The following PPP4R2 variants were observed in gnomAD, a reference collection of about 807,000 sequenced individuals.
PPP4R2 encodes protein phosphatase 4 regulatory subunit 2.
A neutral mutation model predicts 47.2 loss-of-function variants in PPP4R2; 13 were observed. That is an observed-to-expected ratio of 0.28 (90% CI 0.18 to 0.44). PPP4R2 has a LOEUF of 0.44. Ranked by LOEUF, PPP4R2 falls within the 20% of genes least tolerant of loss-of-function variation. The pLI is 1.00. For missense variants in PPP4R2, 421 were observed against 491.2 expected, an observed-to-expected ratio of 0.86 and a Z score of 1.35; for synonymous variants, 151 against 163.3, an observed-to-expected ratio of 0.92 and a Z score of 0.57.
chr3:73,033,658 T>C (rs1260919219), intron 2 of PPP4R2, among the ~76,000 whole-genome samples: 2 of 152,200 alleles, frequency 1.3e-5, no homozygotes, highest in Non-Finnish European at 2.9e-5. Context: ...TTGTCCCAAA[T>C]ATAAATTCTG....
rs778400137 is a variant in PPP4R2, at chr3:73,015,263, TC to T, written c.116+17106del. Among the ~76,000 whole-genome samples the T allele has an allele frequency of 2.2e-4, 34 of 152,112 alleles. 1 individual carries two copies. The highest frequency in any genetic ancestry group is 4.0e-4 in the Non-Finnish European group (27 of 68,022). ...GACTTGATCTCAGCTCACTGCCACCTCTGCCTCCCTGGTTCAAGCAGTTCTC... is the reference window on the plus strand; with the variant it reads ...GACTTGATCTCAGCTCACTGCCACCTTGCCTCCCTGGTTCAAGCAGTTCTC... On this transcript the variant is annotated intron_variant, in intron 2 of 8. Coordinates refer to ENST00000356692, the MANE Select transcript of PPP4R2 (RefSeq NM_174907.4).
At chr3:73,059,388 A>G (rs973552423) in intron 4 of PPP4R2, among the ~76,000 whole-genome samples, 5 of 152,216 alleles carry the variant, frequency 3.3e-5, no homozygotes, top group Non-Finnish European at 7.3e-5. Flanking sequence ...TTCATAGTGT[A>G]TATCAACTTA....
At position 73,010,261 on chromosome 3, in the gene PPP4R2, C is replaced by T. The variant is rs143653385; in HGVS notation, c.116+12103C>T. Reference sequence around the variant, plus strand: ...TTTTTGAGACAAGGTCTTGCTCTGTCATCCAGGCTGGAGTACAGTGGTGCC... The same window carrying T: ...TTTTTGAGACAAGGTCTTGCTCTGTTATCCAGGCTGGAGTACAGTGGTGCC... On this transcript the variant is annotated intron_variant, in intron 2 of 8. Coordinates refer to ENST00000356692, the MANE Select transcript of PPP4R2 (RefSeq NM_174907.4). 5.1e-4 allele frequency among the ~76,000 whole-genome samples: 78 copies of T among 152,236 alleles called. 3 individuals carry two copies. In the East Asian group the frequency reaches 0.014, roughly 28 times the overall value.
At chr3:73,044,612 C>A (rs576189476) in intron 2 of PPP4R2, among the ~76,000 whole-genome samples, 1 of 152,204 alleles carries the variant, frequency 6.6e-6, no homozygotes, top group Admixed American at 6.5e-5. Context: ...TTCTCTACAT[C>A]CTTGGCCAGC....
chr3:73,059,532 T>C (rs1308914324), intron 4 of PPP4R2, among the ~76,000 whole-genome samples: 2 of 152,166 alleles, frequency 1.3e-5, no homozygotes, highest in Non-Finnish European at 1.5e-5. Flanking sequence ...GCCAAGCATG[T>C]AAATGAGGTA....
intron 2 of PPP4R2, among the ~76,000 whole-genome samples, chr3:72,999,956 C>CAG (rs769418280): frequency 3.7e-4 from 56 of 152,272 alleles, no homozygotes; most frequent in Admixed American, 2.9e-3. Context: ...CTGACATTTG[C>CAG]AGAGTTTCTG....
chr3:73,055,144 T>G (rs1175592337), intron 3 of PPP4R2, among the ~76,000 whole-genome samples: 1 of 152,190 alleles, frequency 6.6e-6, no homozygotes, highest in African/African-American at 2.4e-5. Flanking sequence ...CCTATACTTT[T>G]GGTTTTGTTG....
intron 2 of PPP4R2, among the ~76,000 whole-genome samples, chr3:73,026,887 G>T (rs998993910): frequency 6.6e-6 from 1 of 152,122 alleles, no homozygotes; most frequent in Non-Finnish European, 1.5e-5. Context: ...AAGCCATAAA[G>T]CCTGGGTTGA....
rs548845491 is a variant in PPP4R2, at chr3:73,008,969, T to C, written c.116+10811T>C. 2.0e-5 allele frequency among the ~76,000 whole-genome samples: 3 copies of C among 152,306 alleles called. No homozygotes were observed. The South Asian group carries it at 6.2e-4, about 32-fold the overall frequency. Reference sequence around the variant, plus strand: ...ATATAGGTAATAAAGTAGGTCTATTTAAAGGGATGTTGTGGGGATTAAATG... The same window carrying C: ...ATATAGGTAATAAAGTAGGTCTATTCAAAGGGATGTTGTGGGGATTAAATG... On this transcript the variant is annotated intron_variant, in intron 2 of 8. Coordinates refer to ENST00000356692, the MANE Select transcript of PPP4R2 (RefSeq NM_174907.4).
At chr3:73,061,319 TG>T in intron 5 of PPP4R2, 1 of 208,412 alleles carries the variant, frequency 4.8e-6, no homozygotes, top group Non-Finnish European at 9.4e-6. Flanking sequence ...TTACATACTG[TG>T]GTGGCACTCA....
At chr3:73,060,582 C>T (rs1470820117) in intron 4 of PPP4R2, among the ~76,000 whole-genome samples, 1 of 120,508 alleles carries the variant, frequency 8.3e-6, no homozygotes. Flanking sequence ...AAATATATTA[C>T]AAAAAAGGTT....
chr3:73,016,754 T>TTTTTA (rs58597470), intron 2 of PPP4R2, among the ~76,000 whole-genome samples: 8 of 133,510 alleles, frequency 6.0e-5, no homozygotes, highest in Admixed American at 3.0e-4. Context: ...TTTTTTTTTT[T>TTTTTA]AATACAGAGT....
intron 2 of PPP4R2, among the ~76,000 whole-genome samples, chr3:73,017,745 G>A (rs939498237): frequency 1.5e-4 from 22 of 148,262 alleles, no homozygotes; most frequent in African/African-American, 5.5e-4. Flanking sequence ...TTTTTTTTTT[G>A]AGATGGAGTC....
At chr3:73,039,493 A>G (rs989996985) in intron 2 of PPP4R2, among the ~76,000 whole-genome samples, 1 of 152,232 alleles carries the variant, frequency 6.6e-6, no homozygotes, top group African/African-American at 2.4e-5. Context: ...TCATAATTGT[A>G]TCACATAATT....
At chr3:73,042,850 A>G (rs1702406605) in intron 2 of PPP4R2, among the ~76,000 whole-genome samples, 1 of 152,170 alleles carries the variant, frequency 6.6e-6, no homozygotes, top group Admixed American at 6.5e-5. Context: ...TTTGAAAGTT[A>G]AGACTACAGT....
chr3:73,007,302 C>A (rs1282980153), intron 2 of PPP4R2, among the ~76,000 whole-genome samples: 1 of 151,812 alleles, frequency 6.6e-6, no homozygotes, highest in Non-Finnish European at 1.5e-5. Context: ...GTTTGAAGTT[C>A]TTTGTGTTCA....
chr3:73,044,338 G>A (rs547507391), intron 2 of PPP4R2, among the ~76,000 whole-genome samples: 6 of 152,206 alleles, frequency 3.9e-5, no homozygotes, highest in South Asian at 4.2e-4. Flanking sequence ...AGTGGCTCAC[G>A]CACTTTGGGA....
intron 3 of PPP4R2, among the ~76,000 whole-genome samples, chr3:73,049,012 C>G (rs1342090312): frequency 1.3e-5 from 2 of 152,114 alleles, no homozygotes; most frequent in Non-Finnish European, 2.9e-5. Context: ...CCTATTTTCA[C>G]TGTGCACCCT....
At chr3:73,002,009 C>G (rs1025722936) in intron 2 of PPP4R2, among the ~76,000 whole-genome samples, 18 of 140,424 alleles carry the variant, frequency 1.3e-4, no homozygotes, top group African/African-American at 4.1e-4. Context: ...CTCTCCTGTT[C>G]CTTGCTCAGT....
Sources: gnomAD v4.1 joint callset for allele counts (sites outside exome capture counted in the v4.1 genomes callset) on GRCh38, gnomAD v4.1.1 for gene constraint, MANE v1.5 for transcripts, NCBI Gene and HGNC (gene_info 2026-07-23, HGNC 2026-07-21) for gene names.